PPIL6: variants seen among roughly 807,000 people sequenced by gnomAD.
PPIL6 encodes the protein peptidylprolyl isomerase like 6.
PPIL6 carries 39 observed loss-of-function variants against 36.8 expected under a neutral mutation model. That is an observed-to-expected ratio of 1.06 (90% CI 0.82 to 1.38). The LOEUF (loss-of-function observed/expected upper bound fraction) is 1.38. PPIL6 is among the 40% of genes most tolerant of loss of function. The probability of loss-of-function intolerance (pLI) is 0.00; values close to 1 mark genes in which losing one functional copy is unlikely to be tolerated. For synonymous variants in PPIL6, 123 were observed against 134.1 expected (o/e 0.92, Z 0.57); for missense variants, 368 against 379.1 (o/e 0.97, Z 0.24).
chr6:109,427,933 A>G (rs1235173092), intron 3 of PPIL6, among the ~76,000 whole-genome samples: 1 of 152,152 alleles, frequency 6.6e-6, no homozygotes, highest in Admixed American at 6.5e-5. Context: ...ATTTTCAGAG[A>G]CAGCACAGAT....
At chr6:109,400,999 A>ACAGGC (rs1772508051) in intron 6 of PPIL6, among the ~76,000 whole-genome samples, 2 of 149,502 alleles carry the variant, frequency 1.3e-5, no homozygotes, top group Non-Finnish European at 3.0e-5. Context: ...AGCTGGGACT[A>ACAGGC]CAGGCGCCCG....
intron 1 of PPIL6, among the ~76,000 whole-genome samples, chr6:109,437,465 C>T (rs1434547475): frequency 6.6e-6 from 1 of 151,842 alleles, no homozygotes; most frequent in Non-Finnish European, 1.5e-5. Flanking sequence ...TGTCCCCAAG[C>T]AATAGCTGAC....
chr6:109,405,111 C>T, intron 6 of PPIL6: 4 of 356,540 alleles, frequency 1.1e-5, no homozygotes, highest in South Asian at 8.4e-5. Context: ...CAAATATAGA[C>T]ACAAAAAGCC....
chr6:109,423,278 GA>G (rs1166454607), intron 5 of PPIL6, among the ~76,000 whole-genome samples: 1 of 152,076 alleles, frequency 6.6e-6, no homozygotes, highest in Non-Finnish European at 1.5e-5. Context: ...GAGGCAGGAG[GA>G]TCACTTGAAC....
chr6:109,393,861 G>A (rs1772191539), intron 7 of PPIL6, among the ~76,000 whole-genome samples: 1 of 152,180 alleles, frequency 6.6e-6, no homozygotes, highest in Non-Finnish European at 1.5e-5. Context: ...AAGTTTCCCA[G>A]GCCACCTTGC....
At chr6:109,399,738 C>T (rs543702610) in intron 7 of PPIL6, among the ~76,000 whole-genome samples, 10 of 152,112 alleles carry the variant, frequency 6.6e-5, no homozygotes, top group East Asian at 3.9e-4. Flanking sequence ...GATGGGGTCT[C>T]GCTATGTTGC....
At chr6:109,429,573 T>G (rs1774014496) in intron 3 of PPIL6, among the ~76,000 whole-genome samples, 2 of 152,200 alleles carry the variant, frequency 1.3e-5, no homozygotes, top group South Asian at 4.1e-4. Flanking sequence ...CACCAGGTTT[T>G]GGGAATATGA....
chr6:109,421,338 A>G (rs1773530487), intron 5 of PPIL6, among the ~76,000 whole-genome samples: 1 of 152,240 alleles, frequency 6.6e-6, no homozygotes, highest in Admixed American at 6.5e-5. Context: ...TAGTGGTTAA[A>G]AGCAAACTTT....
chr6:109,440,622 A>C lies in PPIL6; in HGVS notation c.-32T>G. 3.3e-6 allele frequency: 4 copies of C among 1,224,640 alleles called. No individual in the cohort carries two copies. The highest frequency in any genetic ancestry group is 4.1e-6 in the Non-Finnish European group (4 of 982,958). The allele number at this position is 1,224,640 out of a possible 1,614,324, so 75.9% of individuals were successfully genotyped here. On this transcript the variant is annotated 5_prime_UTR_variant, in exon 1 of 8. Transcript: ENST00000521072. ...GCCCGGGGACGCCCGGTGACCCCAA[A>C]CACTGCGCGTCGCTCCGGCAACCGC...
intron 6 of PPIL6, among the ~76,000 whole-genome samples, chr6:109,412,274 C>T (rs2115223779): frequency 6.6e-6 from 1 of 152,314 alleles, no homozygotes; most frequent in East Asian, 1.9e-4. Context: ...CTCTGCTCTG[C>T]AGGAGCAGTC....
intron 1 of PPIL6, among the ~76,000 whole-genome samples, chr6:109,439,862 C>T (rs1273004174): frequency 1.3e-5 from 2 of 152,172 alleles, no homozygotes; most frequent in Non-Finnish European, 2.9e-5. Context: ...CATGACTGAT[C>T]TGGCCAAATT....
At position 109,392,060 on chromosome 6, in the gene PPIL6, A is replaced by G. The variant is rs2115187504; in HGVS notation, c.*766T>C. 6.6e-6 allele frequency: 1 copy of G among 152,360 alleles called. No homozygotes were observed. The highest frequency in any genetic ancestry group is 1.5e-5 in the Non-Finnish European group (1 of 68,036). 9.4% of individuals were successfully genotyped at this position (152,360 alleles called of 1,614,324 possible). ...CAAAATTCTCAACCAACAGTAACAT[A>G]AACAACACAACACAGGGCTCTGTTA... On this transcript the variant is annotated 3_prime_UTR_variant, in exon 8 of 8. Coordinates refer to ENST00000521072, the MANE Select transcript of PPIL6 (RefSeq NM_173672.5).
At position 109,413,420 on chromosome 6, in the gene PPIL6, C is replaced by T. The variant is rs1472488665; in HGVS notation, c.688+5767G>A. Among the ~76,000 whole-genome samples, 1 of 152,204 alleles carries T rather than the reference C, an allele frequency of 6.6e-6. No individual in the cohort carries two copies. Among genetic ancestry groups the T allele is most frequent in the East Asian group, 1.9e-4 (1 of 5,202 alleles). ...ACCCAAACTACAACGAGATATCTCA[C>T]TCCAGTTAAAATGGCTTTTATCCAA... On this transcript the variant is annotated intron_variant, in intron 6 of 7. Coordinates refer to ENST00000521072, the MANE Select transcript of PPIL6 (RefSeq NM_173672.5). The surrounding 1 kb of genome is among the most constrained non-coding windows in gnomAD (Gnocchi z 4.6).
At chr6:109,429,867 G>A (rs893903713) in intron 3 of PPIL6, among the ~76,000 whole-genome samples, 3 of 152,094 alleles carry the variant, frequency 2.0e-5, no homozygotes, top group Admixed American at 6.6e-5. Context: ...TTTCGCCTTC[G>A]ATCAATCAGA....
At chr6:109,433,627 C>T (rs1191344165) in intron 2 of PPIL6, among the ~76,000 whole-genome samples, 5 of 152,174 alleles carry the variant, frequency 3.3e-5, no homozygotes, top group African/African-American at 1.2e-4. Flanking sequence ...TGAAGCCATC[C>T]ACTTAGGGTG....
intron 6 of PPIL6, among the ~76,000 whole-genome samples, chr6:109,402,680 G>C (rs1238879454): frequency 6.6e-6 from 1 of 151,970 alleles, no homozygotes; most frequent in Non-Finnish European, 1.5e-5. Context: ...GGTAGTCCCT[G>C]ACTTAGAAAC....
rs542682840 is a variant in PPIL6, at chr6:109,390,494, C to G, written c.*2332G>C. 13 of 152,194 alleles carry G rather than the reference C, an allele frequency of 8.5e-5. No homozygotes were observed. Among genetic ancestry groups the G allele is most frequent in the Non-Finnish European group, 1.8e-4 (12 of 68,056 alleles). 9.4% of individuals were successfully genotyped at this position (152,194 alleles called of 1,614,324 possible). ...CAGTTGAGAATGTAACATAGGCGGT[C>G]TGCTTCCTCCCATCCACCTCAGGTC... On this transcript the variant is annotated 3_prime_UTR_variant, in exon 8 of 8. Coordinates refer to ENST00000521072, the MANE Select transcript of PPIL6 (RefSeq NM_173672.5).
intron 7 of PPIL6, among the ~76,000 whole-genome samples, chr6:109,398,905 G>C (rs1239790124): frequency 1.3e-5 from 2 of 152,190 alleles, no homozygotes; most frequent in East Asian, 3.9e-4. Context: ...ACATTATTGT[G>C]ACTATGCCTA....
At position 109,390,985 on chromosome 6, in the gene PPIL6, A is replaced by C. The variant is rs922949179; in HGVS notation, c.*1841T>G. The C allele has an allele frequency of 6.6e-6, 1 of 152,112 alleles. No individual in the cohort carries two copies. The highest frequency in any genetic ancestry group is 1.5e-5 in the Non-Finnish European group (1 of 68,018). The allele number at this position is 152,112 out of a possible 1,614,324, so 9.4% of individuals were successfully genotyped here. On this transcript the variant is annotated 3_prime_UTR_variant, in exon 8 of 8. Coordinates refer to ENST00000521072, the MANE Select transcript of PPIL6 (RefSeq NM_173672.5). ...TTGGAAGACAAACCTCATTCTGCTTAGGGTAAGAAAAGCACTCTCAGCCGG... is the reference window on the plus strand; with the variant it reads ...TTGGAAGACAAACCTCATTCTGCTTCGGGTAAGAAAAGCACTCTCAGCCGG...
Sources: allele counts gnomAD v4.1 joint callset (sites outside exome capture counted in the v4.1 genomes callset), GRCh38; gene constraint gnomAD v4.1.1; non-coding constraint Gnocchi (gnomAD v3.1); transcripts MANE v1.5; gene names NCBI Gene and HGNC (gene_info 2026-07-23, HGNC 2026-07-21).